DPP6: variants seen among roughly 807,000 people sequenced by gnomAD.
DPP6 encodes the protein dipeptidyl peptidase like 6, also known as A-type potassium channel modulatory protein DPP6.
In DPP6, 69 loss-of-function variants were observed where a neutral mutation model predicts 122.6. The observed-to-expected ratio is 0.56, with a 90% CI of 0.46 to 0.69. The LOEUF is 0.69. Among genes scored for constraint, DPP6 ranks in the 30% least tolerant of loss-of-function variants. The pLI, the probability that DPP6 is intolerant of heterozygous loss-of-function variation, is 0.00. For synonymous variants in DPP6, 418 were observed against 433.1 expected, an observed-to-expected ratio of 0.97 and a Z score of 0.43; for missense variants, 928 against 1,116.9, an observed-to-expected ratio of 0.83 and a Z score of 2.41.
chr7:154,473,820 AAC>A (rs1235882363), intron 2 of DPP6, among the ~76,000 whole-genome samples: 1 of 152,174 alleles, frequency 6.6e-6, no homozygotes, highest in African/African-American at 2.4e-5. Flanking sequence ...GAAATACAAA[AAC>A]ACACAGCTCT....
chr7:154,809,647 C>T (rs1029233143), intron 16 of DPP6, among the ~76,000 whole-genome samples: 134 of 152,162 alleles, frequency 8.8e-4, no homozygotes, highest in African/African-American at 3.2e-3. Context: ...GGAGTGGAGG[C>T]GACAGCACAT....
chr7:154,077,900 A>C (rs1033438750), intron 1 of DPP6, among the ~76,000 whole-genome samples: 2 of 151,986 alleles, frequency 1.3e-5, no homozygotes, highest in Non-Finnish European at 2.9e-5. Flanking sequence ...CGATCTCTTG[A>C]CCTCATGATC....
chr7:153,785,070 C>T, the DPP6 span, among the ~76,000 whole-genome samples: 3 of 152,178 alleles, frequency 2.0e-5, no homozygotes, highest in Non-Finnish European at 4.4e-5. Flanking sequence ...GTTTTCTTGT[C>T]ATCCCTGTTG....
intron 5 of DPP6, among the ~76,000 whole-genome samples, chr7:154,595,599 G>A (rs758207364): frequency 4.6e-5 from 7 of 152,224 alleles, no homozygotes; most frequent in Non-Finnish European, 7.3e-5. Context: ...TACCATTGTC[G>A]AGGAGGTGGG....
chr7:153,995,956 G>A (rs190751161), intron 1 of DPP6, among the ~76,000 whole-genome samples: 16 of 152,320 alleles, frequency 1.1e-4, no homozygotes, highest in South Asian at 4.2e-4. Context: ...ATAAGGAAGC[G>A]TTGACAAAAA....
intron 1 of DPP6, among the ~76,000 whole-genome samples, chr7:153,963,489 A>G (rs1795467095): frequency 6.8e-6 from 1 of 147,178 alleles, no homozygotes; most frequent in Non-Finnish European, 1.5e-5. Context: ...CATCTGACAC[A>G]GAGCACCCAG....
chr7:154,490,098 C>T (rs1169582573), intron 3 of DPP6, among the ~76,000 whole-genome samples: 2 of 152,226 alleles, frequency 1.3e-5, no homozygotes, highest in Non-Finnish European at 2.9e-5. Context: ...AAGTCACTTA[C>T]CTTAGGCCAC....
intron 17 of DPP6, among the ~76,000 whole-genome samples, chr7:154,859,445 G>C (rs1803141028): frequency 6.6e-6 from 1 of 152,216 alleles, no homozygotes; most frequent in African/African-American, 2.4e-5. Context: ...GCTAGCAAAG[G>C]GGGCTCTGGA....
intron 1 of DPP6, among the ~76,000 whole-genome samples, chr7:154,231,660 T>C (rs1215507191): frequency 6.6e-6 from 1 of 152,174 alleles, no homozygotes; most frequent in East Asian, 1.9e-4. Flanking sequence ...AGGCAGCTTC[T>C]GTCTCCCTTC....
chr7:153,871,424 C>G, the DPP6 span, among the ~76,000 whole-genome samples: 1 of 152,332 alleles, frequency 6.6e-6, no homozygotes, highest in Non-Finnish European at 1.5e-5. Context: ...ATGAGCGAGG[C>G]TCCGTGGGCA....
At chr7:153,917,709 T>C (rs1299126053) in intron 1 of DPP6, among the ~76,000 whole-genome samples, 1 of 152,250 alleles carries the variant, frequency 6.6e-6, no homozygotes, top group Admixed American at 6.5e-5. Context: ...TATATGTGGT[T>C]ATTCTAGTGT....
chr7:153,809,002 G>T, the DPP6 span, among the ~76,000 whole-genome samples: 1 of 151,924 alleles, frequency 6.6e-6, no homozygotes, highest in South Asian at 2.1e-4. Context: ...ATAACAATTT[G>T]CAGTCCCACC....
the DPP6 span, among the ~76,000 whole-genome samples, chr7:153,805,295 A>G: frequency 6.6e-6 from 1 of 152,274 alleles, no homozygotes; most frequent in Non-Finnish European, 1.5e-5. Context: ...GTTGTTTATA[A>G]CCTGTTGACT....
chr7:154,109,194 A>T (rs1367518088), intron 1 of DPP6, among the ~76,000 whole-genome samples: 1 of 152,300 alleles, frequency 6.6e-6, no homozygotes, highest in Non-Finnish European at 1.5e-5. Context: ...TAAAATAGAT[A>T]TGGAGTAAAT....
chr7:154,675,354 A>G (rs1838835983), intron 7 of DPP6, among the ~76,000 whole-genome samples: 1 of 152,180 alleles, frequency 6.6e-6, no homozygotes, highest in African/African-American at 2.4e-5. Context: ...CTTAAAGTAT[A>G]ATAAAGAAAA....
chr7:154,889,600 G>A, intron 25 of DPP6, 70 bp downstream of exon 25: 1 of 1,551,544 alleles, frequency 6.4e-7, no homozygotes, highest in South Asian at 1.2e-5. Context: ...AGACCTGACG[G>A]GTGTTCAGGG....
At chr7:153,816,275 A>C in the DPP6 span, among the ~76,000 whole-genome samples, 14 of 152,020 alleles carry the variant, frequency 9.2e-5, no homozygotes, top group African/African-American at 2.6e-4. Context: ...AAGGAAAACA[A>C]GATCTGGTAA....
intron 3 of DPP6, among the ~76,000 whole-genome samples, chr7:154,521,759 G>A (rs1437391750): frequency 1.3e-5 from 2 of 152,048 alleles, no homozygotes; most frequent in East Asian, 1.9e-4. Context: ...TCATTTTACC[G>A]TAGTTTGAAG....
At chr7:154,528,584 A>G (rs1267821720) in intron 3 of DPP6, among the ~76,000 whole-genome samples, 1 of 152,226 alleles carries the variant, frequency 6.6e-6, no homozygotes, top group East Asian at 1.9e-4. Flanking sequence ...CTAACTTTGT[A>G]CCAGTCATTA....
Sources: allele counts gnomAD v4.1 joint callset (sites outside exome capture counted in the v4.1 genomes callset), GRCh38; gene constraint gnomAD v4.1.1; transcripts MANE v1.5; gene names NCBI Gene and HGNC (gene_info 2026-07-23, HGNC 2026-07-21).